MIR17HG: variants seen among roughly 807,000 people sequenced by gnomAD.
MIR17HG encodes MIR17 host gene (non-protein coding).
chr13:91,348,338 C>A (rs1211899160), intron 1 of MIR17HG, among the ~76,000 whole-genome samples: 1 of 148,952 alleles, frequency 6.7e-6, no homozygotes, highest in Admixed American at 6.6e-5. Flanking sequence ...GGGCCCGGGG[C>A]GCGCGCGGGG....
chr13:91,350,511 G>GTT lies in MIR17HG; in HGVS notation n.284+286_284+287dup, dbSNP rs564071975. ...TTATGCTGAATTTGTATGGTTTATA[G>GTT]TTGTTAGAGTTTGAGGTGTTAATTC... On this transcript the variant is annotated intron_variant and non_coding_transcript_variant, in intron 3 of 3. Transcript: ENST00000400282. 5.5e-4 allele frequency: 287 copies of GTT among 521,124 alleles called. 2 individuals are homozygous for GTT. Among genetic ancestry groups the GTT allele is most frequent in the South Asian group, 3.6e-3 (249 of 70,122 alleles). 32.3% of individuals were successfully genotyped at this position (521,124 alleles called of 1,614,324 possible).
intron 1 of MIR17HG, among the ~76,000 whole-genome samples, chr13:91,349,039 C>T (rs892929221): frequency 6.6e-6 from 1 of 151,490 alleles, no homozygotes; most frequent in Non-Finnish European, 1.5e-5. Context: ...GGGGGGTTGC[C>T]GCGTCCGGCG....
At chr13:91,348,001 G>A (rs1014139369) in intron 1 of MIR17HG, 1 of 151,718 alleles carries the variant, frequency 6.6e-6, no homozygotes, top group Admixed American at 6.6e-5. Flanking sequence ...GAAACCTGTT[G>A]TGTGCGGCCC....
intron 3 of MIR17HG, chr13:91,350,316 G>T: frequency 4.1e-6 from 1 of 241,326 alleles, no homozygotes; most frequent in Non-Finnish European, 8.4e-6. Flanking sequence ...TTCTCTATGT[G>T]TCAATCCATT....
chr13:91,350,420 A>T (rs1196814554), intron 3 of MIR17HG: 2 of 352,708 alleles, frequency 5.7e-6, no homozygotes, highest in East Asian at 7.4e-5. Context: ...TAAGGCATAA[A>T]TACGTGTCTA....
chr13:91,351,762 T>C (rs1224596283), intron 3 of MIR17HG: 2 of 189,766 alleles, frequency 1.1e-5, no homozygotes, highest in Non-Finnish European at 2.3e-5. Context: ...CATATATTAC[T>C]CAAGTATTTA....
At chr13:91,349,072 C>T (rs1325919293) in intron 1 of MIR17HG, among the ~76,000 whole-genome samples, 1 of 151,888 alleles carries the variant, frequency 6.6e-6, no homozygotes, top group African/African-American at 2.4e-5. Flanking sequence ...GACCCGCCGC[C>T]CCCTGGCGGC....
intron 2 of MIR17HG, chr13:91,349,835 A>G (rs1003385207): frequency 6.6e-6 from 1 of 152,222 alleles, no homozygotes; most frequent in Admixed American, 6.5e-5. Flanking sequence ...TTAAAGTTGA[A>G]TAAATAGGAT....
intron 3 of MIR17HG, chr13:91,351,176 C>T (rs372889756): frequency 3.7e-4 from 195 of 526,126 alleles, no homozygotes; most frequent in African/African-American, 3.5e-3. Flanking sequence ...CCCAATCAAA[C>T]TGTCCTGTTA....
Position 91,351,499 on chromosome 13 carries a change from T to C in MIR17HG, n.284+1273T>C. ...AATATTAAAGAAAATGTGTAACTTTTTGTGTAAATACATCTTGTCTTGTTT... is the reference window on the plus strand; with the variant it reads ...AATATTAAAGAAAATGTGTAACTTTCTGTGTAAATACATCTTGTCTTGTTT... On this transcript the variant is annotated intron_variant and non_coding_transcript_variant, in intron 3 of 3. Coordinates refer to ENST00000400282, the Ensembl canonical transcript of MIR17HG. 4 of 399,716 alleles carry C rather than the reference T, an allele frequency of 1.0e-5. 1 individual carries two copies. Among genetic ancestry groups the C allele is most frequent in the South Asian group, 3.8e-5 (2 of 52,374 alleles). The allele number at this position is 399,716 out of a possible 1,614,324, so 24.8% of individuals were successfully genotyped here.
chr13:91,351,165 G>A (rs368984000), intron 3 of MIR17HG: 75 of 525,538 alleles, frequency 1.4e-4, no homozygotes, highest in Non-Finnish European at 9.5e-5. Flanking sequence ...TCGGCCTGTC[G>A]CCCAATCAAA....
exon 3 of MIR17HG, chr13:91,350,190 T>C (rs1222550920): frequency 5.7e-6 from 1 of 176,724 alleles, no homozygotes; most frequent in Non-Finnish European, 1.2e-5. Context: ...AGGAGGAAAA[T>C]GTTTTGCCAC....
chr13:91,349,038 C>G (rs1347632699), intron 1 of MIR17HG, among the ~76,000 whole-genome samples: 3 of 151,642 alleles, frequency 2.0e-5, no homozygotes, highest in Admixed American at 2.0e-4. Flanking sequence ...GGGGGGGTTG[C>G]CGCGTCCGGC....
intron 3 of MIR17HG, chr13:91,350,326 T>C (rs1421747515): frequency 7.4e-6 from 2 of 269,134 alleles, no homozygotes; most frequent in African/African-American, 4.4e-5. Flanking sequence ...GTCAATCCAT[T>C]TGGGAGAGGC....
intron 1 of MIR17HG, among the ~76,000 whole-genome samples, chr13:91,348,226 G>T (rs1403713796): frequency 2.0e-5 from 3 of 149,716 alleles, no homozygotes; most frequent in Non-Finnish European, 4.5e-5. Flanking sequence ...CCGCGCCCGG[G>T]ACCCGCGCAG....
intron 3 of MIR17HG, chr13:91,351,166 C>T (rs1218948373): frequency 1.9e-6 from 1 of 525,726 alleles, no homozygotes; most frequent in Non-Finnish European, 4.0e-6. Flanking sequence ...CGGCCTGTCG[C>T]CCAATCAAAC....
chr13:91,351,158 G>T (rs1290613193), intron 3 of MIR17HG: 1 of 525,552 alleles, frequency 1.9e-6, no homozygotes, highest in African/African-American at 1.9e-5. Context: ...TCCAGCTTCG[G>T]CCTGTCGCCC....
chr13:91,348,852 C>A (rs1432719104), intron 1 of MIR17HG, among the ~76,000 whole-genome samples: 1 of 149,466 alleles, frequency 6.7e-6, no homozygotes, highest in African/African-American at 2.4e-5. Context: ...GCCGATTGTT[C>A]CCGGCTTAGG....
intron 3 of MIR17HG, chr13:91,352,473 G>A (rs991103493): frequency 1.3e-5 from 2 of 152,164 alleles, no homozygotes; most frequent in African/African-American, 4.8e-5. Flanking sequence ...GGCTATCTTA[G>A]TAATAAGAAA....
Sources: allele counts gnomAD v4.1 joint callset (sites outside exome capture counted in the v4.1 genomes callset), GRCh38; gene constraint gnomAD v4.1.1; transcripts MANE v1.5; gene names NCBI Gene and HGNC (gene_info 2026-07-23, HGNC 2026-07-21).